Variants in CDH18 observed in about 807,000 individuals in gnomAD.
CDH18 encodes the protein cadherin-18.
A neutral mutation model predicts 67.9 loss-of-function variants in CDH18; 31 were observed. The observed-to-expected ratio is 0.46, with a 90% CI of 0.34 to 0.62. The LOEUF (loss-of-function observed/expected upper bound fraction) is 0.62, where lower values mean the gene tolerates loss of function less well. Ranked by LOEUF, CDH18 falls within the 20% of genes least tolerant of loss-of-function variation. The pLI, the probability that CDH18 is intolerant of heterozygous loss-of-function variation, is 0.01. For synonymous variants in CDH18, 362 were observed against 347.2 expected (o/e 1.04, Z -0.48); for missense variants, 890 against 975.5 (o/e 0.91, Z 1.17).
At chr5:20,237,271 C>A (rs745844754) in intron 2 of CDH18, among the ~76,000 whole-genome samples, 2 of 151,648 alleles carry the variant, frequency 1.3e-5, no homozygotes, top group Non-Finnish European at 3.0e-5. Context: ...GAGGAAAAAG[C>A]GGGGTATATT....
chr5:20,124,273 A>G (rs1156598951), intron 2 of CDH18, among the ~76,000 whole-genome samples: 1 of 152,304 alleles, frequency 6.6e-6, no homozygotes, highest in East Asian at 1.9e-4. Context: ...AAGTTGGAGT[A>G]TTTTAATTAC....
chr5:20,127,669 AATG>A (rs1186855525), intron 2 of CDH18, among the ~76,000 whole-genome samples: 4 of 152,064 alleles, frequency 2.6e-5, no homozygotes, highest in African/African-American at 9.7e-5. Flanking sequence ...CAAAAAGTAG[AATG>A]ATGATTGCCA....
chr5:20,189,678 C>T (rs556006753), intron 2 of CDH18, among the ~76,000 whole-genome samples: 3 of 152,194 alleles, frequency 2.0e-5, no homozygotes, highest in East Asian at 1.9e-4. Flanking sequence ...ATTACGCACA[C>T]GACAAATCAA....
chr5:20,239,275 T>C (rs887931270), intron 2 of CDH18, among the ~76,000 whole-genome samples: 1 of 152,056 alleles, frequency 6.6e-6, no homozygotes, highest in African/African-American at 2.4e-5. Context: ...GGCAACACGA[T>C]GAAGCCCCAT....
intron 1 of CDH18, among the ~76,000 whole-genome samples, chr5:20,575,257 A>T (rs1024994677): frequency 6.2e-4 from 93 of 150,146 alleles, no homozygotes; most frequent in African/African-American, 2.0e-3. Context: ...TGAAAAAAAA[A>T]TCTGTACCTG....
At chr5:19,547,818 T>C (rs919960638) in intron 8 of CDH18, among the ~76,000 whole-genome samples, 18 of 152,194 alleles carry the variant, frequency 1.2e-4, no homozygotes, top group Non-Finnish European at 1.5e-5. Context: ...CAAAGAGTCT[T>C]ATTCACGAAG....
intron 2 of CDH18, chr5:19,886,205 A>C (rs1788172109): frequency 6.6e-6 from 1 of 152,174 alleles, no homozygotes; most frequent in African/African-American, 2.4e-5. Context: ...CCAGCTGACA[A>C]TAATCTTTCT....
intron 1 of CDH18, among the ~76,000 whole-genome samples, chr5:20,423,683 T>C (rs1219081300): frequency 6.6e-6 from 1 of 150,732 alleles, no homozygotes; most frequent in South Asian, 2.1e-4. Flanking sequence ...CGGTGGCTCA[T>C]GCCTGTAATC....
chr5:20,043,829 A>T (rs1740663988), intron 2 of CDH18, among the ~76,000 whole-genome samples: 1 of 152,194 alleles, frequency 6.6e-6, no homozygotes. Flanking sequence ...AATATTTTAA[A>T]TCAGAATGGT....
intron 1 of CDH18, among the ~76,000 whole-genome samples, chr5:20,311,442 T>C (rs1361858952): frequency 6.6e-6 from 1 of 152,124 alleles, no homozygotes; most frequent in Admixed American, 6.5e-5. Flanking sequence ...GTGGCACATA[T>C]ACACATGGAA....
At chr5:19,475,652 AAAT>A (rs1738332353) in intron 12 of CDH18, among the ~76,000 whole-genome samples, 1 of 152,038 alleles carries the variant, frequency 6.6e-6, no homozygotes, top group Non-Finnish European at 1.5e-5. Context: ...CATATGTTCC[AAAT>A]ATTATTATAT....
rs571860413 is a variant in CDH18 at position 20,551,966 on chromosome 5, TTTG to T, written c.-580+23493_-580+23495del. On this transcript the variant is annotated intron_variant, in intron 1 of 14. Transcript: ENST00000507958. The stretch of plus-strand genomic sequence containing the variant: ...TGACAATATTTGAGATGATCAATAA[TTTG>T]TTATTTTTTCAGTATTTATGAGACT... Among the ~76,000 whole-genome samples, 1,503 of 152,188 alleles carry T rather than the reference TTTG, an allele frequency of 9.9e-3. 20 individuals are homozygous for T. The highest frequency in any genetic ancestry group is 0.034 in the African/African-American group (1,403 of 41,532).
Position 20,095,506 on chromosome 5 carries a change from G to GAT in CDH18, c.-517-103493_-517-103492insAT, listed in dbSNP as rs1434063367. Among the ~76,000 whole-genome samples the GAT allele has an allele frequency of 3.0e-5, 4 of 135,284 alleles. No individual in the cohort carries two copies. In the East Asian group the frequency reaches 8.7e-4, roughly 30 times the overall value. The allele number at this position is 135,284 out of a possible 152,430, so 88.8% of individuals were successfully genotyped here. On this transcript the variant is annotated intron_variant, in intron 2 of 14. Transcript: ENST00000507958. The stretch of plus-strand genomic sequence containing the variant: ...GAGAGAGAGGGAGGGAGGGAGGGAG[G>GAT]GAGGATGGAAGGAAGGAAGGAAGGA...
chr5:19,707,635 T>C (rs527822990), intron 5 of CDH18, among the ~76,000 whole-genome samples: 1 of 152,336 alleles, frequency 6.6e-6, no homozygotes, highest in East Asian at 1.9e-4. Flanking sequence ...ACACCTTCAC[T>C]ATCAATCTTG....
intron 1 of CDH18, among the ~76,000 whole-genome samples, chr5:20,333,328 G>A (rs541273672): frequency 6.6e-6 from 1 of 151,902 alleles, no homozygotes; most frequent in African/African-American, 2.4e-5. Flanking sequence ...CCAACATGGT[G>A]AAGCCTCGTC....
chr5:19,781,109 G>T (rs1292321139), intron 3 of CDH18, among the ~76,000 whole-genome samples: 2 of 152,116 alleles, frequency 1.3e-5, no homozygotes, highest in Admixed American at 1.3e-4. Flanking sequence ...TTAAAAGTTT[G>T]TTCACTAATA....
chr5:20,035,352 A>C (rs1037793887), intron 2 of CDH18, among the ~76,000 whole-genome samples: 1 of 152,046 alleles, frequency 6.6e-6, no homozygotes, highest in African/African-American at 2.4e-5. Flanking sequence ...AGTGTTTCTG[A>C]TACTAAAACA....
At chr5:19,888,995 T>C (rs949835616) in intron 2 of CDH18, among the ~76,000 whole-genome samples, 3 of 152,158 alleles carry the variant, frequency 2.0e-5, no homozygotes, top group Admixed American at 6.6e-5. Flanking sequence ...AACTCTGTGA[T>C]ATAAAATGAC....
At chr5:19,481,783 AC>A (rs1439711895) in intron 12 of CDH18, among the ~76,000 whole-genome samples, 1 of 152,174 alleles carries the variant, frequency 6.6e-6, no homozygotes, top group Admixed American at 6.5e-5. Context: ...TTTCAAGAAT[AC>A]CTCTTTCTCA....
Sources: gnomAD v4.1 joint callset for allele counts (sites outside exome capture counted in the v4.1 genomes callset) on GRCh38, gnomAD v4.1.1 for gene constraint, MANE v1.5 for transcripts, NCBI Gene and HGNC (gene_info 2026-07-23, HGNC 2026-07-21) for gene names.